RNF130: variants seen among roughly 807,000 people sequenced by gnomAD.
The protein encoded by RNF130 is ring finger protein 130.
In RNF130, 21 loss-of-function variants were observed where a neutral mutation model predicts 44.6. The ratio of observed to expected loss-of-function variants is 0.47; its 90% CI spans 0.33 to 0.68. The LOEUF (loss-of-function observed/expected upper bound fraction) is 0.68, where lower values mean the gene tolerates loss of function less well. Ranked by LOEUF, RNF130 falls within the 30% of genes least tolerant of loss-of-function variation. The pLI, the probability that RNF130 is intolerant of heterozygous loss-of-function variation, is 0.02. For missense variants in RNF130, 479 were observed against 560.6 expected (o/e 0.85, Z 1.47); for synonymous variants, 214 against 210.4 (o/e 1.02, Z -0.15).
At chr5:179,951,541 G>A (rs998031796), downstream of RNF130, among the ~76,000 whole-genome samples, 8 of 151,946 alleles carry the variant, frequency 5.3e-5, no homozygotes, top group East Asian at 1.2e-3. Flanking sequence ...CCGCCACCAC[G>A]CCCGGCTAAT....
intron 7 of RNF130, among the ~76,000 whole-genome samples, chr5:179,924,494 GA>G (rs35214110): frequency 1.3e-3 from 171 of 131,848 alleles, no homozygotes; most frequent in Middle Eastern, 4.7e-3. Flanking sequence ...AACTCTGTCT[GA>G]AAAAAAAAAA....
At chr5:180,005,825 T>A (rs1763452500) in intron 3 of RNF130, among the ~76,000 whole-genome samples, 1 of 152,210 alleles carries the variant, frequency 6.6e-6, no homozygotes, top group Non-Finnish European at 1.5e-5. Flanking sequence ...GTAAGCTCAT[T>A]CTTGAATTCA....
chr5:180,063,266 T>C (rs1211034604), intron 1 of RNF130, among the ~76,000 whole-genome samples: 1 of 152,222 alleles, frequency 6.6e-6, no homozygotes, highest in Non-Finnish European at 1.5e-5. Flanking sequence ...GATAGTTGCC[T>C]GAACTAAGGC....
In RNF130 at chr5:180,071,039, C is replaced by T. The variant is rs540098642; in HGVS notation, c.247+417G>A. On this transcript the variant is annotated intron_variant, in intron 1 of 8. Transcript: ENST00000521389. ...GCACGTTTTTATATTAGAAAAGGGCCGCATCCTTCCAGATCTAGCGCAGCC... is the reference window on the plus strand; with the variant it reads ...GCACGTTTTTATATTAGAAAAGGGCTGCATCCTTCCAGATCTAGCGCAGCC... 4.0e-5 allele frequency among the ~76,000 whole-genome samples: 6 copies of T among 151,784 alleles called. 1 individual carries two copies. Among genetic ancestry groups the T allele is most frequent in the African/African-American group, 1.5e-4 (6 of 41,330 alleles).
chr5:179,931,361 C>G (rs569003513), intron 7 of RNF130, among the ~76,000 whole-genome samples: 5 of 152,208 alleles, frequency 3.3e-5, no homozygotes, highest in Non-Finnish European at 7.3e-5. Flanking sequence ...AAACATATTA[C>G]AGTTCTGCAC....
chr5:180,021,829 C>T (rs1326458067), intron 2 of RNF130, among the ~76,000 whole-genome samples: 1 of 152,148 alleles, frequency 6.6e-6, no homozygotes, highest in African/African-American at 2.4e-5. Flanking sequence ...TCACTGCCAT[C>T]CAATCCCGAA....
At chr5:180,064,871 C>A (rs1227609319) in intron 1 of RNF130, among the ~76,000 whole-genome samples, 3 of 152,168 alleles carry the variant, frequency 2.0e-5, no homozygotes, top group Admixed American at 6.5e-5. Context: ...GCATTAATAT[C>A]ATCAGCATAT....
intron 8 of RNF130, among the ~76,000 whole-genome samples, chr5:179,956,673 C>T (rs1762218669): frequency 6.6e-6 from 1 of 152,218 alleles, no homozygotes; most frequent in South Asian, 2.1e-4. Context: ...CAGGCTGGTT[C>T]CTAAGTCACT....
At position 179,920,413 on chromosome 5, in the gene RNF130, A is replaced by G. The variant is rs773857515; in HGVS notation, c.1164T>C (p.Phe388=). 5.7e-6 allele frequency: 4 copies of G among 702,426 alleles called. No individual in the cohort carries two copies. The South Asian group carries it at 5.9e-5, about 10-fold the overall frequency. The allele number at this position is 702,426 out of a possible 1,614,324, so 43.5% of individuals were successfully genotyped here. Residue 388 remains phenylalanine (F), a synonymous_variant, in exon 8 of 8, where the codon TTT becomes TTC. Transcript: ENST00000522208. ...TCCGAGGGGACAAGGAGTTTCGATG[A>G]AAGAAGTGACCACCTGGAAAAGGAA...
intron 7 of RNF130, among the ~76,000 whole-genome samples, chr5:179,932,745 AGAATCACTT>A: frequency 6.6e-6 from 1 of 151,942 alleles, no homozygotes; most frequent in Non-Finnish European, 1.5e-5. Flanking sequence ...CTGAGGCAGG[AGAATCACTT>A]GAACCTGGGA....
rs530364248 is a variant in RNF130, at chr5:180,014,881, G to C, written c.443-1570C>G. Among the ~76,000 whole-genome samples, 10 of 152,288 alleles carry C rather than the reference G, an allele frequency of 6.6e-5. No homozygotes were observed. The East Asian group carries it at 1.9e-3, about 29-fold the overall frequency. On this transcript the variant is annotated intron_variant, in intron 2 of 8. Transcript: ENST00000521389. Reference sequence around the variant, plus strand: ...CATGTCTGTGGTCCCAGATACTCAGGAGGCTGAGGTGGGAGGATCACTGGA... The same window carrying C: ...CATGTCTGTGGTCCCAGATACTCAGCAGGCTGAGGTGGGAGGATCACTGGA...
intron 3 of RNF130, among the ~76,000 whole-genome samples, chr5:179,991,561 C>T (rs546741343): frequency 1.3e-5 from 2 of 152,114 alleles, no homozygotes; most frequent in South Asian, 2.1e-4. Context: ...TATTTCTGTG[C>T]GACCAGATTC....
chr5:180,011,989 G>A (rs929151359), intron 3 of RNF130, among the ~76,000 whole-genome samples: 2 of 152,188 alleles, frequency 1.3e-5, no homozygotes, highest in Admixed American at 6.5e-5. Flanking sequence ...ACTGCAGTCA[G>A]TGTTTGGGTA....
chr5:179,912,598 AC>A (rs1761482039), exon 8 of RNF130: 1 of 152,234 alleles, frequency 6.6e-6, no homozygotes, highest in Non-Finnish European at 1.5e-5. Context: ...AGGTGCCAGG[AC>A]CTGGACCTGG....
intron 1 of RNF130, among the ~76,000 whole-genome samples, chr5:180,042,615 T>A (rs1764452451): frequency 6.6e-6 from 1 of 152,350 alleles, no homozygotes; most frequent in Admixed American, 6.5e-5. Context: ...GATAATCTCC[T>A]CTTAGAAAAA....
At chr5:179,998,862 T>C (rs1156939856) in intron 3 of RNF130, among the ~76,000 whole-genome samples, 2 of 65,868 alleles carry the variant, frequency 3.0e-5, no homozygotes, top group African/African-American at 1.1e-4. Flanking sequence ...GTATTTTTTA[T>C]ATATATATAT....
At chr5:180,031,380 G>T (rs1292293700) in intron 2 of RNF130, among the ~76,000 whole-genome samples, 2 of 152,060 alleles carry the variant, frequency 1.3e-5, no homozygotes, top group Non-Finnish European at 2.9e-5. Flanking sequence ...CCAGCTACTC[G>T]GGAAGCTGAG....
At chr5:180,008,172 C>A (rs1165774256) in intron 3 of RNF130, among the ~76,000 whole-genome samples, 2 of 151,884 alleles carry the variant, frequency 1.3e-5, no homozygotes, top group African/African-American at 4.8e-5. Context: ...AGGACCAGAG[C>A]AGCCCACCAC....
chr5:180,021,511 T>C lies in RNF130; in HGVS notation c.443-8200A>G, dbSNP rs569329336. ...TTGAGCATCCCAGAACCAATGAGAA[T>C]TCTTCAACATAACAATTCTTAAAAT... On this transcript the variant is annotated intron_variant, in intron 2 of 8. Transcript: ENST00000521389. Among the ~76,000 whole-genome samples the C allele has an allele frequency of 1.1e-4, 16 of 152,198 alleles. 1 individual carries two copies. Among genetic ancestry groups the C allele is most frequent in the Admixed American group, 9.2e-4 (14 of 15,298 alleles).
Sources: gnomAD v4.1 joint callset for allele counts (sites outside exome capture counted in the v4.1 genomes callset) on GRCh38, gnomAD v4.1.1 for gene constraint, MANE v1.5 for transcripts, NCBI Gene and HGNC (gene_info 2026-07-23, HGNC 2026-07-21) for gene names.